Variants in ADGRV1 observed in about 807,000 individuals in gnomAD.
ADGRV1 encodes adhesion G protein-coupled receptor V1.
Under a neutral mutation model 596.2 loss-of-function variants are expected in ADGRV1, and 359 were observed. The observed-to-expected ratio is 0.60, with a 90% CI of 0.55 to 0.66. The LOEUF (loss-of-function observed/expected upper bound fraction) is 0.66. ADGRV1 is among the 30% of genes least tolerant of loss of function. The pLI is 0.00. For missense variants in ADGRV1, 7,274 were observed against 7,575.6 expected (o/e 0.96, Z 1.48); for synonymous variants, 2,681 against 2,679.2 (o/e 1.00, Z -0.02).
At chr5:91,090,963 GT>G (rs1790332868) in intron 86 of ADGRV1, among the ~76,000 whole-genome samples, 1 of 152,078 alleles carries the variant, frequency 6.6e-6, no homozygotes, top group African/African-American at 2.4e-5. Flanking sequence ...TTTCATAAAA[GT>G]TTTCTTTCAA....
At chr5:90,896,199 G>A (rs1310542960) in intron 83 of ADGRV1, among the ~76,000 whole-genome samples, 4 of 147,904 alleles carry the variant, frequency 2.7e-5, no homozygotes, top group African/African-American at 1.0e-4. Context: ...ATGTTTGTTG[G>A]TCTTACAAAT....
intron 36 of ADGRV1, among the ~76,000 whole-genome samples, chr5:90,705,087 C>T (rs969574636): frequency 1.3e-5 from 2 of 152,062 alleles, no homozygotes; most frequent in Non-Finnish European, 2.9e-5. Flanking sequence ...GGATTACAGG[C>T]GTGAGCCACC....
At chr5:90,616,684 A>C (rs540094856) in intron 2 of ADGRV1, among the ~76,000 whole-genome samples, 50 of 152,348 alleles carry the variant, frequency 3.3e-4, no homozygotes, top group African/African-American at 1.2e-3. Flanking sequence ...GAATATCCCC[A>C]ATGATCCCCA....
chr5:91,114,692 T>TC, intron 87 of ADGRV1, among the ~76,000 whole-genome samples: 1 of 152,270 alleles, frequency 6.6e-6, no homozygotes, highest in African/African-American at 2.4e-5. Context: ...TGTAGAAACC[T>TC]CCCCTCCTTG....
chr5:90,567,592 A>C (rs1359505918), intron 1 of ADGRV1, among the ~76,000 whole-genome samples: 1 of 151,950 alleles, frequency 6.6e-6, no homozygotes, highest in Non-Finnish European at 1.5e-5. Flanking sequence ...GTTTGTTGGC[A>C]TGTAATTGTT....
rs115258754 is a variant in ADGRV1, at chr5:90,978,523, G to A, written c.17974-6821G>A. Among the ~76,000 whole-genome samples, 823 of 151,866 alleles carry A rather than the reference G, an allele frequency of 5.4e-3. 7 individuals carry two copies. Among genetic ancestry groups the A allele is most frequent in the Non-Finnish European group, 9.4e-3 (639 of 67,956 alleles). ...GATCTAGTATTTGATAGCACAACAG[G>A]GTGATTGTGCTCAACAAAAATTTAC... On this transcript the variant is annotated intron_variant, in intron 84 of 89. Coordinates refer to ENST00000405460, the MANE Select transcript of ADGRV1 (RefSeq NM_032119.4).
Position 90,993,315 on chromosome 5 carries a change from T to C in ADGRV1, c.18152+7793T>C, listed in dbSNP as rs545526473. Among the ~76,000 whole-genome samples, 3 of 152,054 alleles carry C rather than the reference T, an allele frequency of 2.0e-5. No individual in the cohort carries two copies. The South Asian group carries it at 6.2e-4, about 32-fold the overall frequency. ...CTTGGACTATAGGTACGCACCACCA[T>C]GCACAGCTAGTTTTTGTGTTATTAG... On this transcript the variant is annotated intron_variant, in intron 85 of 89. Coordinates refer to ENST00000405460, the MANE Select transcript of ADGRV1 (RefSeq NM_032119.4).
intron 85 of ADGRV1, among the ~76,000 whole-genome samples, chr5:90,995,587 C>T (rs1781347494): frequency 6.6e-6 from 1 of 152,090 alleles, no homozygotes; most frequent in Admixed American, 6.5e-5. Flanking sequence ...TGGAGTGGGG[C>T]ATTGTTATGA....
At chr5:91,149,965 C>G in intron 87 of ADGRV1, 65 bp from the exon 88 acceptor site, 1 of 1,365,938 alleles carries the variant, frequency 7.3e-7, no homozygotes. Flanking sequence ...GGTAGCAGGA[C>G]TGACTTTGAC....
chr5:91,162,281 G>T (rs73773307), intron 89 of ADGRV1, among the ~76,000 whole-genome samples: 6,481 of 150,944 alleles, frequency 0.043, 368 homozygotes, highest in African/African-American at 0.13. Context: ...ATAATCCAGT[G>T]GGGGGGTCAG....
intron 85 of ADGRV1, among the ~76,000 whole-genome samples, chr5:91,068,205 C>T (rs771629911): frequency 6.6e-6 from 1 of 151,914 alleles, no homozygotes; most frequent in Non-Finnish European, 1.5e-5. Flanking sequence ...GCCTATAAAC[C>T]CAGCACTTTG....
intron 34 of ADGRV1, among the ~76,000 whole-genome samples, chr5:90,699,431 G>A (rs1033925796): frequency 3.3e-5 from 5 of 152,008 alleles, no homozygotes; most frequent in Admixed American, 3.3e-4. Flanking sequence ...ATAGGGGGAA[G>A]GAAAAGAGAA....
In ADGRV1 at chr5:90,674,041, T is replaced by C. The variant is rs1772876338; in HGVS notation, c.4930-13T>C. On this transcript the variant is annotated splice_polypyrimidine_tract_variant and intron_variant, in intron 22 of 89. Transcript: ENST00000405460. ...CCTCATTGCTTAGTGCCTCTGGATA[T>C]TTATATTTTTAGGTTCTGAATATAT... 6.3e-7 allele frequency: 1 copy of C among 1,587,946 alleles called. No homozygotes were observed. Among genetic ancestry groups the C allele is most frequent in the Non-Finnish European group, 8.6e-7 (1 of 1,160,018 alleles).
intron 87 of ADGRV1, among the ~76,000 whole-genome samples, chr5:91,105,404 G>A (rs3112484): frequency 0.13 from 19,025 of 151,998 alleles, 1,335 homozygotes; most frequent in African/African-American, 0.2. Context: ...TTTTTTTTAC[G>A]AACCTCCATA....
chr5:91,005,304 A>G (rs916687582), intron 85 of ADGRV1, among the ~76,000 whole-genome samples: 3 of 152,208 alleles, frequency 2.0e-5, no homozygotes, highest in South Asian at 2.1e-4. Context: ...TTAAAATTAT[A>G]TCTTAAAATT....
chr5:91,137,294 G>A (rs1794720543), intron 87 of ADGRV1, among the ~76,000 whole-genome samples: 1 of 152,024 alleles, frequency 6.6e-6, no homozygotes, highest in Admixed American at 6.6e-5. Context: ...GGTGACACAG[G>A]ACCTCACCTA....
At position 90,558,853 on chromosome 5, in the gene ADGRV1, G is replaced by T. The variant is rs954849459; in HGVS notation, c.-43G>T. ...TACGGACGGGAGTCAGAGGCAGAGC[G>T]AGGGTGTGTGGAGGGCCGGCGGGGA... is the stretch of plus-strand genomic sequence containing the variant. On this transcript the variant is annotated 5_prime_UTR_variant, in exon 1 of 90. Transcript: ENST00000405460. The T allele has an allele frequency of 2.6e-6, 4 of 1,557,672 alleles. No homozygotes were observed. Among genetic ancestry groups the T allele is most frequent in the Non-Finnish European group, 8.7e-7 (1 of 1,149,212 alleles).
Position 90,600,306 on chromosome 5 carries a change from C to A in ADGRV1, c.23-14529C>A, listed in dbSNP as rs535106024. ...TCTCCTAATGCTATCCCTCCCCCTTCCCCCCACCTCACAACAGGCCTTGGG... is the reference window on the plus strand; with the variant it reads ...TCTCCTAATGCTATCCCTCCCCCTTACCCCCACCTCACAACAGGCCTTGGG... On this transcript the variant is annotated intron_variant, in intron 1 of 89. Transcript: ENST00000405460. Among the ~76,000 whole-genome samples the A allele has an allele frequency of 2.0e-5, 3 of 152,254 alleles. No homozygotes were observed. In the East Asian group the frequency reaches 5.8e-4, roughly 29 times the overall value.
intron 83 of ADGRV1, among the ~76,000 whole-genome samples, chr5:90,956,129 A>G (rs1010244039): frequency 1.3e-5 from 2 of 152,180 alleles, no homozygotes; most frequent in African/African-American, 4.8e-5. Flanking sequence ...AAGGAATTCC[A>G]TAAGAAAGTT....
Sources: gnomAD v4.1 joint callset for allele counts (sites outside exome capture counted in the v4.1 genomes callset) on GRCh38, gnomAD v4.1.1 for gene constraint, MANE v1.5 for transcripts, NCBI Gene and HGNC (gene_info 2026-07-23, HGNC 2026-07-21) for gene names.